Variants in GRIN2B observed in about 807,000 individuals in gnomAD.
GRIN2B encodes glutamate ionotropic receptor NMDA type subunit 2B, also known as glutamate receptor ionotropic, NMDA 2B.
GRIN2B carries 5 observed loss-of-function variants against 114.5 expected under a neutral mutation model. The ratio of observed to expected loss-of-function variants is 0.04; its 90% CI spans 0.02 to 0.09. The LOEUF is 0.09. Ranked by LOEUF, GRIN2B falls within the 10% of genes least tolerant of loss-of-function variation. The probability of loss-of-function intolerance (pLI) is 1.00; values close to 1 mark genes in which losing one functional copy is unlikely to be tolerated. For missense variants in GRIN2B, 1,108 were observed against 1,943.5 expected (o/e 0.57, Z 8.08); for synonymous variants, 787 against 745.1 (o/e 1.06, Z -0.92).
At chr12:13,930,407 G>T (rs1352349080) in intron 2 of GRIN2B, among the ~76,000 whole-genome samples, 1 of 152,062 alleles carries the variant, frequency 6.6e-6, no homozygotes, top group Non-Finnish European at 1.5e-5. Flanking sequence ...AATCAAGGAG[G>T]CTCACAGCTA....
chr12:13,686,483 C>A (rs1416708336), intron 4 of GRIN2B, among the ~76,000 whole-genome samples: 1 of 152,076 alleles, frequency 6.6e-6, no homozygotes, highest in Non-Finnish European at 1.5e-5. Context: ...CTCTTTCTCT[C>A]CCTCTGTAGG....
intron 3 of GRIN2B, among the ~76,000 whole-genome samples, chr12:13,756,430 G>A (rs1805559): frequency 0.015 from 2,340 of 152,276 alleles, 64 homozygotes; most frequent in African/African-American, 0.053. Flanking sequence ...TACAGAGGAC[G>A]ACGACAGGAA....
intron 3 of GRIN2B, among the ~76,000 whole-genome samples, chr12:13,804,008 A>G (rs1470275176): frequency 6.6e-6 from 1 of 152,160 alleles, no homozygotes; most frequent in Non-Finnish European, 1.5e-5. Context: ...TAAGTACTTT[A>G]TTCACCATTT....
chr12:13,848,061 C>G (rs1865498265), intron 3 of GRIN2B, among the ~76,000 whole-genome samples: 1 of 152,138 alleles, frequency 6.6e-6, no homozygotes, highest in Non-Finnish European at 1.5e-5. Context: ...AGCTCCCCTT[C>G]AGGGTTTCTG....
chr12:13,907,588 T>A (rs1351513231), intron 2 of GRIN2B, among the ~76,000 whole-genome samples: 1 of 152,186 alleles, frequency 6.6e-6, no homozygotes, highest in Non-Finnish European at 1.5e-5. Flanking sequence ...TATCTCAGGT[T>A]GACAGAAGTC....
intron 2 of GRIN2B, among the ~76,000 whole-genome samples, chr12:13,876,539 G>A (rs1015325864): frequency 2.6e-5 from 4 of 152,154 alleles, no homozygotes; most frequent in African/African-American, 7.2e-5. Context: ...CATGGGTAAT[G>A]TAAACAATAC....
chr12:13,579,683 G>A (rs1948821079), intron 10 of GRIN2B, among the ~76,000 whole-genome samples: 1 of 152,194 alleles, frequency 6.6e-6, no homozygotes, highest in African/African-American at 2.4e-5. Context: ...AGGTGCTGGT[G>A]TGCAGAACAG....
chr12:13,753,107 C>T lies in GRIN2B; in HGVS notation c.1010+210G>A, dbSNP rs1157034495. Among the ~76,000 whole-genome samples, 4 of 152,166 alleles carry T rather than the reference C, an allele frequency of 2.6e-5. No individual in the cohort carries two copies. Among genetic ancestry groups the T allele is most frequent in the African/African-American group, 9.7e-5 (4 of 41,442 alleles). On this transcript the variant is annotated intron_variant, in intron 4 of 13. Transcript: ENST00000609686. The surrounding 1 kb of genome is among the most constrained non-coding windows in gnomAD (Gnocchi z 6.2). The stretch of plus-strand genomic sequence containing the variant: ...GCAAAACCCTTAGAGTAACATCTAA[C>T]ACATAATAAGTGCTCAATAAATGAA...
At chr12:13,932,076 C>A (rs906823104) in intron 2 of GRIN2B, among the ~76,000 whole-genome samples, 6 of 152,174 alleles carry the variant, frequency 3.9e-5, no homozygotes, top group African/African-American at 1.4e-4. Context: ...CTTGCTGTAG[C>A]CTGAAAGGCC....
At chr12:13,895,992 C>T (rs1008218306) in intron 2 of GRIN2B, among the ~76,000 whole-genome samples, 4 of 152,078 alleles carry the variant, frequency 2.6e-5, no homozygotes, top group Middle Eastern at 3.2e-3. Flanking sequence ...TGTGTGCATA[C>T]GATAGTATAT....
chr12:13,827,106 C>T (rs1865052133), intron 3 of GRIN2B, among the ~76,000 whole-genome samples: 1 of 150,812 alleles, frequency 6.6e-6, no homozygotes, highest in Non-Finnish European at 1.5e-5. Context: ...AAGTCTGCTG[C>T]TATTTTAACC....
rs1007558350 is a variant in GRIN2B, at chr12:13,878,137, T to G, written c.-18-11911A>C. On this transcript the variant is annotated intron_variant, in intron 2 of 13. Transcript: ENST00000609686. ...CTAAGCCCTGGGAAGCAGACCTGTTTGGACTATATGGTAAACTTCCCAGTC... is the reference window on the plus strand; with the variant it reads ...CTAAGCCCTGGGAAGCAGACCTGTTGGGACTATATGGTAAACTTCCCAGTC... Among the ~76,000 whole-genome samples, 56 of 151,694 alleles carry G rather than the reference T, an allele frequency of 3.7e-4. 1 individual carries two copies. The highest frequency in any genetic ancestry group is 7.4e-5 in the Non-Finnish European group (5 of 67,982).
intron 2 of GRIN2B, among the ~76,000 whole-genome samples, chr12:13,913,157 A>AT (rs1466843660): frequency 2.0e-5 from 3 of 152,180 alleles, no homozygotes; most frequent in Non-Finnish European, 4.4e-5. Context: ...AGGATCCCAC[A>AT]TAGATCTTTA....
At chr12:13,858,475 C>T (rs1865699939) in intron 3 of GRIN2B, among the ~76,000 whole-genome samples, 1 of 151,904 alleles carries the variant, frequency 6.6e-6, no homozygotes, top group African/African-American at 2.4e-5. Flanking sequence ...AAAAGAATCA[C>T]AGAAGTCTCA....
intron 2 of GRIN2B, among the ~76,000 whole-genome samples, chr12:13,928,844 G>C (rs1445949482): frequency 6.6e-6 from 1 of 152,212 alleles, no homozygotes; most frequent in Admixed American, 6.5e-5. Flanking sequence ...AAAGTAGTCA[G>C]TCACTTAAAC....
intron 4 of GRIN2B, among the ~76,000 whole-genome samples, chr12:13,682,096 T>C (rs951664515): frequency 2.0e-5 from 3 of 152,174 alleles, no homozygotes; most frequent in Non-Finnish European, 2.9e-5. Context: ...CTAGTTTAGA[T>C]AGACTAAACA....
intron 5 of GRIN2B, among the ~76,000 whole-genome samples, chr12:13,653,475 G>A (rs1424037960): frequency 1.3e-5 from 2 of 151,932 alleles, no homozygotes; most frequent in South Asian, 2.1e-4. Flanking sequence ...GATCAAAAAC[G>A]GTACCCTGGA....
In GRIN2B at chr12:13,567,268, G is replaced by C; in HGVS notation, c.2360-5C>G. ...CTTCCAGTTCTTCCATCTCCCCTGG[G>C]GAAAGGACAGAGAAGGAAAATGGAT... On this transcript the variant is annotated splice_polypyrimidine_tract_variant and splice_region_variant and intron_variant, in intron 12 of 13. Transcript: ENST00000609686. The C allele has an allele frequency of 6.2e-7, 1 of 1,601,256 alleles. No homozygotes were observed. Among genetic ancestry groups the C allele is most frequent in the South Asian group, 1.1e-5 (1 of 90,814 alleles).
intron 3 of GRIN2B, among the ~76,000 whole-genome samples, chr12:13,771,866 C>G (rs538479092): frequency 6.6e-6 from 1 of 152,360 alleles, no homozygotes; most frequent in African/African-American, 2.4e-5. Flanking sequence ...AACACAGCTT[C>G]CGAGTTTGAC....
Sources: allele counts gnomAD v4.1 joint callset (sites outside exome capture counted in the v4.1 genomes callset), GRCh38; gene constraint gnomAD v4.1.1; non-coding constraint Gnocchi (gnomAD v3.1); transcripts MANE v1.5; gene names NCBI Gene and HGNC (gene_info 2026-07-23, HGNC 2026-07-21).